The following SCRG1 variants were observed in gnomAD, a reference collection of about 807,000 sequenced individuals.
SCRG1 encodes scrapie-responsive protein 1.
SCRG1 carries 3 observed loss-of-function variants against 7.7 expected under a neutral mutation model. That is an observed-to-expected ratio of 0.39 (90% CI 0.18 to 1.01). SCRG1 has a LOEUF of 1.01. Ranked by LOEUF, SCRG1 falls within the 50% of genes least tolerant of loss-of-function variation. The pLI, the probability that SCRG1 is intolerant of heterozygous loss-of-function variation, is 0.36. For missense variants in SCRG1, 110 were observed against 117.2 expected (o/e 0.94, Z 0.28); for synonymous variants, 46 against 41.2 (o/e 1.12, Z -0.44).
the SCRG1 span, among the ~76,000 whole-genome samples, chr4:173,462,099 C>T: frequency 6.6e-6 from 1 of 151,980 alleles, no homozygotes; most frequent in Non-Finnish European, 1.5e-5. Flanking sequence ...TGTAATTGGC[C>T]TTAAAGAGGA....
the SCRG1 span, chr4:173,419,313 T>A: frequency 1.3e-6 from 1 of 746,738 alleles, no homozygotes; most frequent in Non-Finnish European, 2.2e-6. Context: ...CAATCTTTCT[T>A]CTGAGCAAGG....
At chr4:173,455,144 G>A in the SCRG1 span, among the ~76,000 whole-genome samples, 1 of 151,744 alleles carries the variant, frequency 6.6e-6, no homozygotes, top group Non-Finnish European at 1.5e-5. Flanking sequence ...GCGATTCTAC[G>A]GTGAGGCCAC....
Position 173,385,211 on chromosome 4 carries a change from GT to G in SCRG1, c.*3129del, listed in dbSNP as rs1298313365. 1.3e-5 allele frequency: 2 copies of G among 152,168 alleles called. No individual in the cohort carries two copies. Among genetic ancestry groups the G allele is most frequent in the African/African-American group, 4.8e-5 (2 of 41,446 alleles). The allele number at this position is 152,168 out of a possible 1,614,324, so 9.4% of individuals were successfully genotyped here. On this transcript the variant is annotated 3_prime_UTR_variant, in exon 3 of 3. Coordinates refer to ENST00000296506, the MANE Select transcript of SCRG1 (RefSeq NM_007281.4). ...AAATCTATTGGAAAAACTCATGCCTGTAATCCTAACACTTTGGGAGGCCAAG... is the reference window on the plus strand; with the variant it reads ...AAATCTATTGGAAAAACTCATGCCTGAATCCTAACACTTTGGGAGGCCAAG...
chr4:173,518,073 G>C, the SCRG1 span, among the ~76,000 whole-genome samples: 29 of 152,372 alleles, frequency 1.9e-4, no homozygotes, highest in African/African-American at 4.8e-4. Context: ...GAAGAAAAAA[G>C]AAATTGCCTA....
chr4:173,463,332 G>T, the SCRG1 span, among the ~76,000 whole-genome samples: 1 of 152,072 alleles, frequency 6.6e-6, no homozygotes, highest in Non-Finnish European at 1.5e-5. Flanking sequence ...GGAGTGCAGT[G>T]CCGTGATCTC....
the SCRG1 span, among the ~76,000 whole-genome samples, chr4:173,502,727 C>A: frequency 6.6e-6 from 1 of 152,154 alleles, no homozygotes; most frequent in South Asian, 2.1e-4. This position sits in a 1 kb window ranked among gnomAD's most constrained non-coding sequence, Gnocchi z 4.6. Context: ...AATGGGGAAT[C>A]CAGGCTGCTC....
At chr4:173,447,327 A>G in the SCRG1 span, among the ~76,000 whole-genome samples, 1 of 152,158 alleles carries the variant, frequency 6.6e-6, no homozygotes, top group Non-Finnish European at 1.5e-5. Flanking sequence ...CTATCTCCCA[A>G]AGACCCCACC....
chr4:173,512,687 G>T, the SCRG1 span, among the ~76,000 whole-genome samples: 2 of 152,150 alleles, frequency 1.3e-5, no homozygotes, highest in Non-Finnish European at 2.9e-5. Flanking sequence ...TCCCTGGCAA[G>T]GGACACTATG....
chr4:173,470,079 T>A, the SCRG1 span: 3 of 150,880 alleles, frequency 2.0e-5, no homozygotes, highest in African/African-American at 7.3e-5. Context: ...ATATTTGTGA[T>A]CTGTCCCCTT....
chr4:173,513,897 C>T, the SCRG1 span, among the ~76,000 whole-genome samples: 1 of 152,184 alleles, frequency 6.6e-6, no homozygotes, highest in Non-Finnish European at 1.5e-5. Flanking sequence ...GGTGAGGAAA[C>T]TGGGGAGACT....
At chr4:173,436,247 G>T in the SCRG1 span, among the ~76,000 whole-genome samples, 10 of 152,282 alleles carry the variant, frequency 6.6e-5, no homozygotes, top group South Asian at 2.1e-3. Context: ...GTGGAATCTT[G>T]TTGGCAGGAA....
the SCRG1 span, among the ~76,000 whole-genome samples, chr4:173,510,975 T>C: frequency 3.3e-5 from 5 of 152,316 alleles, no homozygotes; most frequent in East Asian, 9.6e-4. The surrounding 1 kb of genome is among the most constrained non-coding windows in gnomAD (Gnocchi z 5.7). Context: ...CCTCTTCTTT[T>C]TTTGTTTTTG....
the SCRG1 span, among the ~76,000 whole-genome samples, chr4:173,483,851 T>TC: frequency 9.8e-6 from 1 of 101,862 alleles, no homozygotes; most frequent in Non-Finnish European, 1.7e-5. Flanking sequence ...ATATAATATA[T>TC]ATTTCATATT....
At chr4:173,485,030 T>TATATATTATATAATATATA in the SCRG1 span, among the ~76,000 whole-genome samples, 2 of 18,994 alleles carry the variant, frequency 1.1e-4, 1 homozygote, top group Non-Finnish European at 1.5e-4. Flanking sequence ...TATAATATAT[T>TATATATTATATAATATATA]ATATATTATA....
the SCRG1 span, among the ~76,000 whole-genome samples, chr4:173,505,521 C>G: frequency 1.3e-5 from 2 of 152,198 alleles, no homozygotes; most frequent in Non-Finnish European, 2.9e-5. The surrounding 1 kb of genome is among the most constrained non-coding windows in gnomAD (Gnocchi z 4.4). Flanking sequence ...CGGAGAAGCT[C>G]TGTGCTGGGA....
At chr4:173,483,615 G>T in the SCRG1 span, among the ~76,000 whole-genome samples, 562 of 10,866 alleles carry the variant, frequency 0.052, 58 homozygotes, top group Non-Finnish European at 0.062. Flanking sequence ...TAATATATAT[G>T]ATATATTATA....
chr4:173,456,373 T>C, the SCRG1 span, among the ~76,000 whole-genome samples: 2 of 152,208 alleles, frequency 1.3e-5, no homozygotes, highest in African/African-American at 4.8e-5. Context: ...TAGATAATTA[T>C]GTGAGCTGAT....
At chr4:173,500,313 G>A in the SCRG1 span, among the ~76,000 whole-genome samples, 3 of 152,238 alleles carry the variant, frequency 2.0e-5, no homozygotes, top group Non-Finnish European at 4.4e-5. Context: ...GCTCCCCCAA[G>A]AGCTGCGGGG....
At chr4:173,442,398 G>A in the SCRG1 span, among the ~76,000 whole-genome samples, 10 of 152,258 alleles carry the variant, frequency 6.6e-5, no homozygotes, top group African/African-American at 2.4e-4. Context: ...ATCATGTGAC[G>A]GAACAGATGA....
Sources: allele counts gnomAD v4.1 joint callset (sites outside exome capture counted in the v4.1 genomes callset), GRCh38; gene constraint gnomAD v4.1.1; non-coding constraint Gnocchi (gnomAD v3.1); transcripts MANE v1.5; gene names NCBI Gene and HGNC (gene_info 2026-07-23, HGNC 2026-07-21).